Variants in PCDH15 observed in about 807,000 individuals in gnomAD.
PCDH15 encodes the protein protocadherin related 15.
In PCDH15, 129 loss-of-function variants were observed where a neutral mutation model predicts 178.5. That is an observed-to-expected ratio of 0.72 (90% CI 0.63 to 0.84). PCDH15 has a LOEUF of 0.84. Ranked by LOEUF, PCDH15 falls within the 40% of genes least tolerant of loss-of-function variation. PCDH15 has a pLI of 0.00. For missense variants in PCDH15, 2,230 were observed against 2,099.9 expected (o/e 1.06, Z -1.21); for synonymous variants, 800 against 732.0 (o/e 1.09, Z -1.50).
At chr10:53,872,834 G>C (rs1252816230) in intron 26 of PCDH15, among the ~76,000 whole-genome samples, 1 of 152,126 alleles carries the variant, frequency 6.6e-6, no homozygotes, top group Non-Finnish European at 1.5e-5. Context: ...TCAAATGTGA[G>C]ATCTCTCAGC....
At chr10:55,288,769 G>A (rs764613129) in intron 1 of PCDH15, among the ~76,000 whole-genome samples, 2 of 151,564 alleles carry the variant, frequency 1.3e-5, no homozygotes, top group African/African-American at 2.4e-5. Flanking sequence ...TTCTTTATCC[G>A]TTTATGTGGA....
chr10:54,895,183 C>T lies in PCDH15; in HGVS notation c.-29+2267G>A, dbSNP rs546005328. On this transcript the variant is annotated intron_variant, in intron 3 of 5. Transcript: ENST00000458638. ...CCCTGTTAAGAGTAGAACAATGGCA[C>T]ATACCAATCATTTGGATTGTGGCTA... is the stretch of plus-strand genomic sequence containing the variant. Among the ~76,000 whole-genome samples the T allele has an allele frequency of 7.9e-5, 12 of 152,298 alleles. No homozygotes were observed. The South Asian group carries it at 2.3e-3, about 29-fold the overall frequency.
At chr10:55,050,098 AG>A (rs1355886599) in intron 2 of PCDH15, among the ~76,000 whole-genome samples, 2 of 152,072 alleles carry the variant, frequency 1.3e-5, no homozygotes, top group Non-Finnish European at 2.9e-5. Flanking sequence ...GTACAATTGA[AG>A]GGGAACATTA....
chr10:53,900,672 TA>T (rs1346870941), intron 26 of PCDH15, among the ~76,000 whole-genome samples: 1 of 152,144 alleles, frequency 6.6e-6, no homozygotes, highest in Non-Finnish European at 1.5e-5. Flanking sequence ...TTTCTCCCTC[TA>T]ACCATCCTCG....
chr10:53,879,110 TTA>T (rs1197284009), intron 26 of PCDH15, among the ~76,000 whole-genome samples: 2 of 152,222 alleles, frequency 1.3e-5, no homozygotes, highest in African/African-American at 4.8e-5. Flanking sequence ...CTTTTTTTTT[TTA>T]AATCACTTTT....
chr10:54,298,732 T>C (rs1564901364), intron 8 of PCDH15, among the ~76,000 whole-genome samples: 1 of 152,184 alleles, frequency 6.6e-6, no homozygotes, highest in Non-Finnish European at 1.5e-5. Flanking sequence ...CGTTTAACTA[T>C]TGATGACCAG....
intron 7 of PCDH15, among the ~76,000 whole-genome samples, chr10:54,318,080 G>GTGT (rs1024358695): frequency 6.6e-6 from 1 of 152,102 alleles, no homozygotes; most frequent in Non-Finnish European, 1.5e-5. Context: ...CGCCTCTGAG[G>GTGT]TGTTAATCTT....
chr10:55,099,011 A>G (rs923804721), intron 2 of PCDH15, among the ~76,000 whole-genome samples: 4 of 150,614 alleles, frequency 2.7e-5, no homozygotes, highest in African/African-American at 9.8e-5. Context: ...CGTGTCCTTA[A>G]TCTATTTGGC....
intron 19 of PCDH15, among the ~76,000 whole-genome samples, chr10:54,022,353 A>G (rs1007053434): frequency 6.6e-6 from 1 of 152,106 alleles, no homozygotes; most frequent in Non-Finnish European, 1.5e-5. Context: ...ACAATACAGA[A>G]TAATGGGTAT....
At chr10:55,525,021 C>T (rs1298832067) in intron 2 of PCDH15, among the ~76,000 whole-genome samples, 1 of 151,620 alleles carries the variant, frequency 6.6e-6, no homozygotes, top group Non-Finnish European at 1.5e-5. Context: ...TATGTCCTCC[C>T]ATTGCCACTC....
chr10:54,827,913 C>G (rs1229449342), intron 3 of PCDH15, among the ~76,000 whole-genome samples: 1 of 152,042 alleles, frequency 6.6e-6, no homozygotes, highest in Non-Finnish European at 1.5e-5. Flanking sequence ...ATTTTCCCCA[C>G]TAAACTTCTT....
At chr10:53,857,670 T>C (rs2078845295) in intron 27 of PCDH15, among the ~76,000 whole-genome samples, 1 of 152,148 alleles carries the variant, frequency 6.6e-6, no homozygotes, top group Non-Finnish European at 1.5e-5. Context: ...TAACTAAGAA[T>C]CTGAGATATG....
At chr10:55,571,441 T>A (rs1288439542) in intron 2 of PCDH15, among the ~76,000 whole-genome samples, 1 of 152,114 alleles carries the variant, frequency 6.6e-6, no homozygotes, top group South Asian at 2.1e-4. Flanking sequence ...TTAGTTCTCA[T>A]ACAAATACAA....
intron 2 of PCDH15, among the ~76,000 whole-genome samples, chr10:54,547,107 C>T (rs2085947228): frequency 6.6e-6 from 1 of 152,058 alleles, no homozygotes; most frequent in South Asian, 2.1e-4. Flanking sequence ...AGCACTCTCC[C>T]ATTTTTCTGC....
At chr10:55,532,879 T>G (rs1254025541) in intron 2 of PCDH15, among the ~76,000 whole-genome samples, 1 of 152,056 alleles carries the variant, frequency 6.6e-6, no homozygotes, top group Non-Finnish European at 1.5e-5. Flanking sequence ...GTCTAGTTTA[T>G]AATCTTACTG....
At chr10:55,498,191 T>A (rs1840579155) in intron 2 of PCDH15, among the ~76,000 whole-genome samples, 1 of 151,936 alleles carries the variant, frequency 6.6e-6, no homozygotes, top group African/African-American at 2.4e-5. Flanking sequence ...AAATTACATT[T>A]AAGTTTCGTT....
intron 2 of PCDH15, among the ~76,000 whole-genome samples, chr10:55,547,171 C>A (rs564781771): frequency 6.6e-6 from 1 of 152,026 alleles, no homozygotes; most frequent in African/African-American, 2.4e-5. Context: ...CAGCAGATCC[C>A]GAAGTTGCAG....
At chr10:53,951,820 G>A (rs2087083283) in intron 23 of PCDH15, among the ~76,000 whole-genome samples, 1 of 152,188 alleles carries the variant, frequency 6.6e-6, no homozygotes, top group Admixed American at 6.5e-5. Context: ...TGCCTGCCAA[G>A]GGTGAGCCAG....
intron 1 of PCDH15, among the ~76,000 whole-genome samples, chr10:55,190,623 G>T (rs966523038): frequency 1.3e-5 from 2 of 151,632 alleles, no homozygotes; most frequent in African/African-American, 2.4e-5. Flanking sequence ...TTGACCAAGT[G>T]TTCTCTAAAT....
Sources: allele counts gnomAD v4.1 joint callset (sites outside exome capture counted in the v4.1 genomes callset), GRCh38; gene constraint gnomAD v4.1.1; transcripts MANE v1.5; gene names NCBI Gene and HGNC (gene_info 2026-07-23, HGNC 2026-07-21).